Variants in LIPM observed in about 807,000 individuals in gnomAD.
LIPM encodes the protein lipase family member M.
A neutral mutation model predicts 42.4 loss-of-function variants in LIPM; 42 were observed. That is an observed-to-expected ratio of 0.99 (90% CI 0.77 to 1.28). The LOEUF is 1.28. Among genes scored for constraint, LIPM ranks in the 50% most tolerant of loss-of-function variants. LIPM has a pLI of 0.00. For synonymous variants in LIPM, 177 were observed against 173.3 expected (o/e 1.02, Z -0.17); for missense variants, 524 against 520.1 (o/e 1.01, Z -0.07).
At chr10:88,809,402 TC>T (rs1843627369) in intron 2 of LIPM, among the ~76,000 whole-genome samples, 1 of 152,244 alleles carries the variant, frequency 6.6e-6, no homozygotes, top group South Asian at 2.1e-4. Flanking sequence ...TTGGCTGGAT[TC>T]TTTTTAATAC....
rs1364957959 is a variant in LIPM, at chr10:88,820,248, A to G, written c.1019A>G (p.Tyr340Cys). ...EKCNQPTPVR[Y>C]RVRDMTVPTA... is the part of the protein sequence containing the mutation. ...TTTCTCTAGCCAACTCCTGTAAGGT[A>G]CAGAGTCAGAGATATGACGGTCCCT... The change falls in exon 9 of 9, where the codon TAC becomes TGC. Residue 340 changes from tyrosine to cysteine, a missense_variant. By Grantham distance (194) the Tyr-to-Cys change is radical. Transcript: ENST00000404743. The G allele has an allele frequency of 6.4e-7, 1 of 1,551,336 alleles. No individual in the cohort carries two copies. The highest frequency in any genetic ancestry group is 8.7e-7 in the Non-Finnish European group (1 of 1,146,946).
Position 88,806,896 on chromosome 10 carries a change from G to T in LIPM, c.148-1402G>T, listed in dbSNP as rs190902939. 2.9e-3 allele frequency among the ~76,000 whole-genome samples: 434 copies of T among 152,046 alleles called. 1 individual carries two copies. Among genetic ancestry groups the T allele is most frequent in the Middle Eastern group, 0.024 (7 of 294 alleles). ...AGTAGAGATGGTGTTTCACCATGTTGGCCAGGATGGTCTCGATCTCCTGAC... is the reference window on the plus strand; with the variant it reads ...AGTAGAGATGGTGTTTCACCATGTTTGCCAGGATGGTCTCGATCTCCTGAC... On this transcript the variant is annotated intron_variant, in intron 1 of 8. Transcript: ENST00000404743.
At chr10:88,819,951 CAA>C in intron 8 of LIPM, among the ~76,000 whole-genome samples, 1 of 152,284 alleles carries the variant, frequency 6.6e-6, no homozygotes, top group Admixed American at 6.5e-5. Context: ...AAAAGAAATA[CAA>C]GGCATTACAT....
intron 1 of LIPM, among the ~76,000 whole-genome samples, chr10:88,803,491 C>CTT (rs1412622230): frequency 6.6e-6 from 1 of 152,116 alleles, no homozygotes; most frequent in Non-Finnish European, 1.5e-5. Context: ...CTAATCTACT[C>CTT]TTTTTATCCT....
In LIPM at chr10:88,820,413, C is replaced by T. The variant is rs1483989169; in HGVS notation, c.1184C>T (p.Ala395Val). 1 of 1,552,150 alleles carries T rather than the reference C, an allele frequency of 6.4e-7. No individual in the cohort carries two copies. The highest frequency in any genetic ancestry group is 8.7e-7 in the Non-Finnish European group (1 of 1,147,038). Residue 395 changes from alanine to valine, a missense_variant, in exon 9 of 9, where the codon GCT becomes GTT. By Grantham distance (64) the Ala-to-Val change is moderately conservative. Transcript: ENST00000404743. The part of the protein sequence containing the change: ...AHVDFIWGLD[A>V]PHRMYNEIIH... ...GTGGATTTCATCTGGGGTTTGGATGCTCCTCACCGTATGTACAATGAAATC... is the reference window on the plus strand; with the variant it reads ...GTGGATTTCATCTGGGGTTTGGATGTTCCTCACCGTATGTACAATGAAATC...
chr10:88,818,775 T>G (rs1238849642), intron 8 of LIPM, among the ~76,000 whole-genome samples: 2 of 152,236 alleles, frequency 1.3e-5, no homozygotes, highest in Non-Finnish European at 2.9e-5. Context: ...GCAGTGCCCC[T>G]GGATAGTGAA....
intron 2 of LIPM, 32 bp downstream of exon 2, chr10:88,808,447 C>A (rs770257519): frequency 4.1e-5 from 50 of 1,217,280 alleles, no homozygotes; most frequent in Non-Finnish European, 5.7e-5. Context: ...CGCAACACAG[C>A]AGTCTTCTCT....
Position 88,813,273 on chromosome 10 carries a change from C to A in LIPM, c.442C>A (p.Gln148Lys), listed in dbSNP as rs750624485. 6 of 1,608,068 alleles carry A rather than the reference C, an allele frequency of 3.7e-6. No homozygotes were observed. Among genetic ancestry groups the A allele is most frequent in the Non-Finnish European group, 4.2e-6 (5 of 1,176,618 alleles). Residue 148 changes from glutamine to lysine, a missense_variant, in exon 3 of 9, where the codon CAA becomes AAA. Gln to Lys is a moderately conservative substitution (Grantham distance 53, BLOSUM62 1). Coordinates refer to ENST00000404743, the MANE Select transcript of LIPM (RefSeq NM_001128215.1). ...AAAACACAAGACACTCTCCATAGACCAAGATGAGTTCTGGGCTTTCAGGTA... is the reference window on the plus strand; with the variant it reads ...AAAACACAAGACACTCTCCATAGACAAAGATGAGTTCTGGGCTTTCAGGTA... ...SRKHKTLSID[Q>K]DEFWAFSYDE...
intron 1 of LIPM, among the ~76,000 whole-genome samples, 156 bp from the exon 2 acceptor site, chr10:88,808,142 G>T (rs1270666831): frequency 4.6e-5 from 7 of 152,184 alleles, no homozygotes; most frequent in Non-Finnish European, 8.8e-5. Flanking sequence ...GGACTAGAGA[G>T]GGTTAGCAGA....
chr10:88,820,189 G>T, intron 8 of LIPM, 43 bp from the exon 9 acceptor site: 1 of 1,473,370 alleles, frequency 6.8e-7, no homozygotes. Flanking sequence ...GAGCCTGAAA[G>T]TCCAAATGTT....
chr10:88,814,984 A>G, intron 4 of LIPM, 104 bp from the exon 5 acceptor site: 2 of 1,021,292 alleles, frequency 2.0e-6, no homozygotes, highest in Non-Finnish European at 2.8e-6. Flanking sequence ...GGTAAGATGC[A>G]GTCACATATA....
chr10:88,808,267 GA>G, intron 1 of LIPM, 30 bp from the exon 2 acceptor site: 1 of 1,256,598 alleles, frequency 8.0e-7, no homozygotes, highest in African/African-American at 1.5e-5. Context: ...ACAGAGAACT[GA>G]ACCTAAAAGA....
Position 88,820,479 on chromosome 10 carries a change from G to T in LIPM, c.1250G>T (p.Gly417Val). 1 of 1,551,228 alleles carries T rather than the reference G, an allele frequency of 6.4e-7. No individual in the cohort carries two copies. The highest frequency in any genetic ancestry group is 8.7e-7 in the Non-Finnish European group (1 of 1,146,946). ...MQQEETNLSQ[G>V]RCEAVL The stretch of plus-strand genomic sequence containing the variant: ...CAGGAGGAGACCAACCTTTCCCAGG[G>T]ACGGTGTGAGGCCGTATTGTGAAGC... The change falls in exon 9 of 9, where the codon GGA becomes GTA. Residue 417 changes from glycine (G) to valine (V), a missense_variant. Transcript: ENST00000404743.
At chr10:88,814,741 TC>T (rs1383186868) in intron 4 of LIPM, 102 bp downstream of exon 4, 8 of 840,314 alleles carry the variant, frequency 9.5e-6, no homozygotes, top group Non-Finnish European at 1.5e-5. Flanking sequence ...TCAGACCTGC[TC>T]TTTTCATCTT....
intron 2 of LIPM, among the ~76,000 whole-genome samples, chr10:88,810,608 C>T (rs1843643078): frequency 1.3e-5 from 2 of 152,154 alleles, no homozygotes; most frequent in East Asian, 1.9e-4. Flanking sequence ...CTTGTGGTAG[C>T]GGCCTTTTTA....
chr10:88,808,770 T>C (rs1301893845), intron 2 of LIPM, among the ~76,000 whole-genome samples: 1 of 152,170 alleles, frequency 6.6e-6, no homozygotes, highest in Non-Finnish European at 1.5e-5. Context: ...CCTCTGATTA[T>C]GAAGAATTCA....
At position 88,802,950 on chromosome 10, in the gene LIPM, G is replaced by A. The variant is rs1200713254; in HGVS notation, c.54G>A (p.Trp18Ter). 2 of 1,551,238 alleles carry A rather than the reference G, an allele frequency of 1.3e-6. No homozygotes were observed. Among genetic ancestry groups the A allele is most frequent in the Admixed American group, 3.9e-5 (2 of 50,972 alleles). ...TTGTCTCACACAGAATGGAAATGTG[G>A]CTTCTGATTCTGGTGGCGTATATGT... ...QWIVSHRMEM[W>*]LLILVAYMFQ... Residue 18 changes from tryptophan to a stop codon, truncating the protein, a stop_gained, in exon 1 of 9, where the codon TGG (tryptophan) becomes TGA (stop). Transcript: ENST00000404743. LOFTEE classifies it high-confidence loss of function.
intron 4 of LIPM, 63 bp downstream of exon 4, chr10:88,814,702 TC>T: frequency 8.1e-7 from 1 of 1,241,950 alleles, no homozygotes; most frequent in Non-Finnish European, 1.2e-6. Context: ...ACACTAGCTA[TC>T]CCTGAAATCT....
In LIPM at chr10:88,817,035, A is replaced by G. The variant is rs971710985; in HGVS notation, c.930+148A>G. 9 of 673,442 alleles carry G rather than the reference A, an allele frequency of 1.3e-5. No individual in the cohort carries two copies. In the Admixed American group the frequency reaches 1.8e-4, roughly 14 times the overall value. The allele number at this position is 673,442 out of a possible 1,614,324, so 41.7% of individuals were successfully genotyped here. On this transcript the variant is annotated intron_variant, in intron 7 of 8. Transcript: ENST00000404743. ...ATCGTCGATGCTATTTTGATGGAGAATTTGATCTAGATCACTGAAACTTTT... is the reference window on the plus strand; with the variant it reads ...ATCGTCGATGCTATTTTGATGGAGAGTTTGATCTAGATCACTGAAACTTTT...
Sources: gnomAD v4.1 joint callset for allele counts (sites outside exome capture counted in the v4.1 genomes callset) on GRCh38, gnomAD v4.1.1 for gene constraint, MANE v1.5 for transcripts, NCBI Gene and HGNC (gene_info 2026-07-23, HGNC 2026-07-21) for gene names.